LRRC4C: variants seen among roughly 807,000 people sequenced by gnomAD.
LRRC4C encodes the protein leucine rich repeat containing 4C.
LRRC4C carries 5 observed loss-of-function variants against 33.6 expected under a neutral mutation model. The ratio of observed to expected loss-of-function variants is 0.15; its 90% CI spans 0.08 to 0.31. The LOEUF is 0.31. LRRC4C is among the 10% of genes least tolerant of loss of function. LRRC4C has a pLI of 1.00. For synonymous variants in LRRC4C, 329 were observed against 302.0 expected (o/e 1.09, Z -0.93); for missense variants, 560 against 796.7 (o/e 0.70, Z 3.58).
intron 1 of LRRC4C, among the ~76,000 whole-genome samples, chr11:41,066,396 T>A (rs1359435608): frequency 6.6e-6 from 1 of 152,002 alleles, no homozygotes; most frequent in Non-Finnish European, 1.5e-5. Flanking sequence ...GGACAAAACC[T>A]CCAAGAAATA....
chr11:40,515,189 TA>T (rs761256768), intron 3 of LRRC4C, among the ~76,000 whole-genome samples: 33 of 152,220 alleles, frequency 2.2e-4, no homozygotes, highest in Non-Finnish European at 4.6e-4. Flanking sequence ...AATTAACATG[TA>T]AAAATAAACC....
intron 1 of LRRC4C, among the ~76,000 whole-genome samples, chr11:41,185,685 G>A (rs1945662591): frequency 6.6e-6 from 1 of 152,056 alleles, no homozygotes; most frequent in Non-Finnish European, 1.5e-5. Context: ...TACAAAACTT[G>A]TATTTGCTAT....
At chr11:40,378,021 T>G (rs1948726453) in intron 3 of LRRC4C, among the ~76,000 whole-genome samples, 1 of 152,088 alleles carries the variant, frequency 6.6e-6, no homozygotes, top group Non-Finnish European at 1.5e-5. Context: ...TGGAGTTGTT[T>G]AGACTTCTTA....
At chr11:40,206,784 G>C (rs1863188548) in intron 5 of LRRC4C, among the ~76,000 whole-genome samples, 1 of 142,868 alleles carries the variant, frequency 7.0e-6, no homozygotes, top group South Asian at 2.5e-4. Context: ...GTATGTGGAA[G>C]TGTTGGGGGT....
chr11:40,364,092 T>C (rs867697380), intron 3 of LRRC4C, among the ~76,000 whole-genome samples: 12 of 152,116 alleles, frequency 7.9e-5, no homozygotes, highest in African/African-American at 2.9e-4. Context: ...CTTAACTATA[T>C]ACCCAAACAA....
chr11:40,757,974 G>T (rs1022570804), intron 2 of LRRC4C, among the ~76,000 whole-genome samples: 1 of 152,038 alleles, frequency 6.6e-6, no homozygotes, highest in Non-Finnish European at 1.5e-5. Context: ...CTGAGGCTCT[G>T]AGAGTAGGAT....
intron 3 of LRRC4C, among the ~76,000 whole-genome samples, chr11:40,552,856 C>A (rs1565498043): frequency 6.6e-6 from 1 of 152,086 alleles, no homozygotes; most frequent in South Asian, 2.1e-4. Flanking sequence ...CATCTAAGTC[C>A]TGATGTGCCA....
intron 2 of LRRC4C, among the ~76,000 whole-genome samples, chr11:40,926,176 CA>C (rs1441354967): frequency 2.0e-5 from 3 of 152,064 alleles, no homozygotes; most frequent in Non-Finnish European, 4.4e-5. Flanking sequence ...AAATTCATCA[CA>C]AGTCTCCGGA....
chr11:40,206,475 T>A (rs1426803597), intron 5 of LRRC4C, among the ~76,000 whole-genome samples: 1 of 151,988 alleles, frequency 6.6e-6, no homozygotes, highest in Non-Finnish European at 1.5e-5. Context: ...CTCCTGACCT[T>A]AAATGATCCA....
At chr11:40,923,163 T>C (rs1957261759) in intron 2 of LRRC4C, among the ~76,000 whole-genome samples, 2 of 152,144 alleles carry the variant, frequency 1.3e-5, no homozygotes, top group Non-Finnish European at 2.9e-5. Flanking sequence ...TAGAAAACAT[T>C]GTTACATTTC....
chr11:41,018,963 A>G (rs1172455280), intron 1 of LRRC4C, among the ~76,000 whole-genome samples: 1 of 152,176 alleles, frequency 6.6e-6, no homozygotes, highest in Non-Finnish European at 1.5e-5. Flanking sequence ...CAAACCTATT[A>G]CAATCAAGAT....
At chr11:40,695,978 A>C (rs1745154172) in intron 2 of LRRC4C, among the ~76,000 whole-genome samples, 1 of 151,382 alleles carries the variant, frequency 6.6e-6, no homozygotes, top group African/African-American at 2.4e-5. Context: ...TTTCCCTACC[A>C]CAATGCCACC....
chr11:40,479,955 A>T (rs1267006072), intron 3 of LRRC4C, among the ~76,000 whole-genome samples: 1 of 152,190 alleles, frequency 6.6e-6, no homozygotes, highest in Non-Finnish European at 1.5e-5. Flanking sequence ...CCTTGCTTCT[A>T]CTGGATGTAT....
At position 40,115,942 on chromosome 11, in the gene LRRC4C, A is replaced by C; in HGVS notation, c.351T>G (p.Ile117Met). ...LSRNHIRTIEIGAFNGLANLN... is the reference protein window; with the variant it reads ...LSRNHIRTIEMGAFNGLANLN... ...GGTTCGCCAGACCATTGAAAGCCCCAATTTCAATGGTTCTGATATGGTTCC... is the reference window on the plus strand; with the variant it reads ...GGTTCGCCAGACCATTGAAAGCCCCCATTTCAATGGTTCTGATATGGTTCC... Residue 117 changes from isoleucine (I) to methionine (M), a missense_variant, in exon 7 of 7, where the codon ATT becomes ATG. Coordinates refer to ENST00000528697, the MANE Select transcript of LRRC4C (RefSeq NM_001258419.2). The surrounding 1 kb of genome is among the most constrained non-coding windows in gnomAD (Gnocchi z 6.7). 6.2e-7 allele frequency: 1 copy of C among 1,614,078 alleles called. No homozygotes were observed. The highest frequency in any genetic ancestry group is 1.1e-5 in the South Asian group (1 of 91,074).
intron 3 of LRRC4C, among the ~76,000 whole-genome samples, chr11:40,538,517 T>G (rs1419258322): frequency 1.3e-5 from 2 of 152,212 alleles, no homozygotes; most frequent in African/African-American, 4.8e-5. Flanking sequence ...CACATTTTCT[T>G]AATCCAGTCT....
intron 1 of LRRC4C, among the ~76,000 whole-genome samples, chr11:41,173,900 G>A (rs1349092965): frequency 1.3e-5 from 2 of 152,030 alleles, no homozygotes; most frequent in African/African-American, 4.8e-5. Flanking sequence ...CAAATAACAA[G>A]ATATTTATTA....
chr11:40,477,873 G>A (rs1005476611), intron 3 of LRRC4C, among the ~76,000 whole-genome samples: 3 of 152,140 alleles, frequency 2.0e-5, no homozygotes, highest in Admixed American at 1.3e-4. Context: ...TAATTCCCAC[G>A]TGTTATGGGA....
intron 1 of LRRC4C, among the ~76,000 whole-genome samples, chr11:41,097,197 A>G (rs1238631251): frequency 3.3e-5 from 5 of 152,174 alleles, no homozygotes; most frequent in Admixed American, 2.0e-4. Flanking sequence ...TGGCGTTTCT[A>G]ACCCTACTAC....
rs114874838 is a variant in LRRC4C, at chr11:40,692,304, G to T, written c.-406-44026C>A. ...ATCCAAGCAGGGGTGAGGTGGGGGG[G>T]ATGGGTGGAGAAACACAGGAGGGAA... is the stretch of plus-strand genomic sequence containing the variant. On this transcript the variant is annotated intron_variant, in intron 2 of 6. Transcript: ENST00000528697. Among the ~76,000 whole-genome samples the T allele has an allele frequency of 9.6e-3, 1,452 of 151,458 alleles. 22 individuals are homozygous for T. Among genetic ancestry groups the T allele is most frequent in the African/African-American group, 0.033 (1,374 of 41,400 alleles).
Sources: gnomAD v4.1 joint callset for allele counts (sites outside exome capture counted in the v4.1 genomes callset) on GRCh38, gnomAD v4.1.1 for gene constraint, Gnocchi (gnomAD v3.1) non-coding constraint, MANE v1.5 for transcripts, NCBI Gene and HGNC (gene_info 2026-07-23, HGNC 2026-07-21) for gene names.